The following TMTC1 variants were observed in gnomAD, a reference collection of about 807,000 sequenced individuals.
TMTC1 encodes protein O-mannosyl-transferase TMTC1.
Under a neutral mutation model 104.8 loss-of-function variants are expected in TMTC1, and 73 were observed. The ratio of observed to expected loss-of-function variants is 0.70; its 90% CI spans 0.58 to 0.85. TMTC1 has a LOEUF of 0.85. Among genes scored for constraint, TMTC1 ranks in the 40% least tolerant of loss-of-function variants. The pLI is 0.00. For missense variants in TMTC1, 1,035 were observed against 1,096.1 expected (o/e 0.94, Z 0.79); for synonymous variants, 434 against 428.7 (o/e 1.01, Z -0.15).
intron 6 of TMTC1, among the ~76,000 whole-genome samples, chr12:29,623,279 G>T (rs1356170678): frequency 6.6e-6 from 1 of 152,194 alleles, no homozygotes; most frequent in East Asian, 1.9e-4. Context: ...TGTTTTACAT[G>T]ACTTAATTTG....
intron 3 of TMTC1, among the ~76,000 whole-genome samples, chr12:29,757,125 C>A (rs1943233245): frequency 6.6e-6 from 1 of 152,168 alleles, no homozygotes; most frequent in Admixed American, 6.5e-5. Context: ...ATCAAGAATG[C>A]AGTAGGAAGT....
intron 9 of TMTC1, among the ~76,000 whole-genome samples, chr12:29,571,514 T>C (rs1333274855): frequency 1.3e-5 from 2 of 152,014 alleles, no homozygotes; most frequent in Non-Finnish European, 2.9e-5. Flanking sequence ...TGAAGCCATA[T>C]CTAAGGATAT....
chr12:29,571,437 G>A (rs1266805581), intron 9 of TMTC1, among the ~76,000 whole-genome samples: 1 of 151,876 alleles, frequency 6.6e-6, no homozygotes, highest in Non-Finnish European at 1.5e-5. Context: ...TGGCTAGTTG[G>A]GTACTTCCGC....
intron 5 of TMTC1, among the ~76,000 whole-genome samples, chr12:29,726,188 G>A (rs146237747): frequency 1.3e-5 from 2 of 152,332 alleles, no homozygotes; most frequent in East Asian, 3.9e-4. Flanking sequence ...CTGAGCCAGA[G>A]ATGCACAGAA....
chr12:29,535,310 G>GT (rs1414221728), intron 11 of TMTC1: 3 of 152,140 alleles, frequency 2.0e-5, no homozygotes, highest in Non-Finnish European at 4.4e-5. Context: ...ACAGACAGAG[G>GT]TTTTTAATCT....
chr12:29,654,646 T>C (rs965607480), intron 5 of TMTC1, among the ~76,000 whole-genome samples: 5 of 151,970 alleles, frequency 3.3e-5, no homozygotes, highest in East Asian at 3.9e-4. Flanking sequence ...ACACAAAAAC[T>C]TGTATGTGAA....
intron 1 of TMTC1, among the ~76,000 whole-genome samples, chr12:29,778,324 A>G (rs1259185725): frequency 6.6e-6 from 1 of 152,222 alleles, no homozygotes; most frequent in Non-Finnish European, 1.5e-5. Flanking sequence ...TGCTTACTGA[A>G]TGGAATGGCA....
chr12:29,563,826 G>A (rs572795349), intron 9 of TMTC1, among the ~76,000 whole-genome samples: 13 of 152,286 alleles, frequency 8.5e-5, no homozygotes, highest in Admixed American at 2.6e-4. Flanking sequence ...CCTCAAGAGC[G>A]CCCTGTGGTA....
At chr12:29,773,090 TCTCA>T (rs1308679995) in intron 1 of TMTC1, among the ~76,000 whole-genome samples, 1 of 152,190 alleles carries the variant, frequency 6.6e-6, no homozygotes, top group Non-Finnish European at 1.5e-5. Context: ...AATAGCCATC[TCTCA>T]CTATCTGAAA....
Position 29,501,116 on chromosome 12 carries a change from A to G in TMTC1, c.*5730T>C, listed in dbSNP as rs886844490. 1 of 152,450 alleles carries G rather than the reference A, an allele frequency of 6.6e-6. No individual in the cohort carries two copies. The highest frequency in any genetic ancestry group is 1.5e-5 in the Non-Finnish European group (1 of 68,044). 9.4% of individuals were successfully genotyped at this position (152,450 alleles called of 1,614,324 possible). The stretch of plus-strand genomic sequence containing the variant: ...CAGCAAATCAAATGATTTCCACATT[A>G]TAAAAGCAAGCCATGGCTTCTACAG... On this transcript the variant is annotated 3_prime_UTR_variant, in exon 18 of 18. Transcript: ENST00000539277.
chr12:29,783,848 G>A lies in TMTC1; in HGVS notation c.-97C>T. The stretch of plus-strand genomic sequence containing the variant: ...GGCGCGCGGCGTCTGCCCGGAGGGG[G>A]GCTCGGGCATGGTGCTGCGGCAGCT... On this transcript the variant is annotated 5_prime_UTR_variant, in exon 1 of 18. Coordinates refer to ENST00000539277, the MANE Select transcript of TMTC1 (RefSeq NM_001193451.2). This position sits in a 1 kb window ranked among gnomAD's most constrained non-coding sequence, Gnocchi z 4.7. 1 of 1,042,070 alleles carries A rather than the reference G, an allele frequency of 9.6e-7. No homozygotes were observed. Among genetic ancestry groups the A allele is most frequent in the Admixed American group, 5.4e-5 (1 of 18,608 alleles). 64.6% of individuals were successfully genotyped at this position (1,042,070 alleles called of 1,614,324 possible).
chr12:29,611,087 A>C (rs142308224), intron 6 of TMTC1, among the ~76,000 whole-genome samples: 32 of 152,206 alleles, frequency 2.1e-4, no homozygotes, highest in African/African-American at 7.0e-4. Context: ...GCACTGCCAG[A>C]TGTACTAATG....
At chr12:29,735,717 G>A (rs943825842) in intron 5 of TMTC1, among the ~76,000 whole-genome samples, 1 of 152,178 alleles carries the variant, frequency 6.6e-6, no homozygotes, top group Admixed American at 6.5e-5. Flanking sequence ...GCCTCACAAT[G>A]TACATTGGGT....
chr12:29,586,364 A>T (rs1245696202), intron 7 of TMTC1, among the ~76,000 whole-genome samples: 1 of 152,170 alleles, frequency 6.6e-6, no homozygotes, highest in Non-Finnish European at 1.5e-5. Context: ...CTAGATATAC[A>T]ATCATGTCAT....
At chr12:29,720,379 C>T (rs922504617) in intron 5 of TMTC1, among the ~76,000 whole-genome samples, 1 of 152,178 alleles carries the variant, frequency 6.6e-6, no homozygotes, top group Non-Finnish European at 1.5e-5. Context: ...AGTGTGTTTG[C>T]TCTTAGGAAT....
intron 11 of TMTC1, chr12:29,535,865 T>C (rs1173511418): frequency 8.7e-6 from 2 of 229,454 alleles, no homozygotes; most frequent in Non-Finnish European, 1.7e-5. Context: ...CATGTTGAGT[T>C]CAGCGATCTT....
intron 9 of TMTC1, among the ~76,000 whole-genome samples, chr12:29,562,794 C>G (rs1945410042): frequency 6.6e-6 from 1 of 152,176 alleles, no homozygotes; most frequent in Non-Finnish European, 1.5e-5. Flanking sequence ...ATATCCATCA[C>G]CACACCTGTT....
At chr12:29,750,316 C>A (rs1943059294) in intron 5 of TMTC1, among the ~76,000 whole-genome samples, 1 of 152,144 alleles carries the variant, frequency 6.6e-6, no homozygotes, top group Admixed American at 6.5e-5. Flanking sequence ...GCCAACCAAC[C>A]CAAATGCCCC....
chr12:29,645,179 T>G (rs1175853996), intron 5 of TMTC1, among the ~76,000 whole-genome samples: 1 of 152,224 alleles, frequency 6.6e-6, no homozygotes, highest in African/African-American at 2.4e-5. Context: ...TACTTGAATT[T>G]ATACTTTCAT....
Sources: gnomAD v4.1 joint callset for allele counts (sites outside exome capture counted in the v4.1 genomes callset) on GRCh38, gnomAD v4.1.1 for gene constraint, Gnocchi (gnomAD v3.1) non-coding constraint, MANE v1.5 for transcripts, NCBI Gene and HGNC (gene_info 2026-07-23, HGNC 2026-07-21) for gene names.